The following MMP28 variants were observed in gnomAD, a reference collection of about 807,000 sequenced individuals.
MMP28 encodes the protein matrix metalloproteinase-28.
MMP28 carries 55 observed loss-of-function variants against 60.5 expected under a neutral mutation model. That is an observed-to-expected ratio of 0.91 (90% confidence interval 0.73 to 1.14). MMP28 has a LOEUF of 1.14. MMP28 is among the 50% of genes most tolerant of loss of function. The probability of loss-of-function intolerance (pLI) is 0.00; values close to 1 mark genes in which losing one functional copy is unlikely to be tolerated. For missense variants in MMP28, 686 were observed against 738.3 expected, an observed-to-expected ratio of 0.93 and a Z score of 0.82; for synonymous variants, 318 against 312.5, an observed-to-expected ratio of 1.02 and a Z score of -0.18.
intron 3 of MMP28, among the ~76,000 whole-genome samples, chr17:35,778,150 G>A (rs886237181): frequency 6.6e-6 from 1 of 152,154 alleles, no homozygotes; most frequent in African/African-American, 2.4e-5. Flanking sequence ...AAAAGAAGGA[G>A]GAGAAGAAAA....
At chr17:35,768,542 T>C (rs1036790088) in intron 5 of MMP28, among the ~76,000 whole-genome samples, 163 bp from the exon 6 acceptor site, 6 of 152,126 alleles carry the variant, frequency 3.9e-5, no homozygotes, top group African/African-American at 1.4e-4. Context: ...CCAGGAATGG[T>C]GGTTCACACC....
chr17:35,763,438 CTTTTTTTTTTT>C (rs782005643), downstream of MMP28, among the ~76,000 whole-genome samples: 9 of 101,514 alleles, frequency 8.9e-5, no homozygotes, highest in African/African-American at 3.2e-4. Context: ...CCATGCCCAG[CTTTTTTTTTTT>C]TTTTTTTTTT....
intron 1 of MMP28, among the ~76,000 whole-genome samples, chr17:35,789,950 C>T (rs1307751134): frequency 1.3e-5 from 2 of 149,748 alleles, no homozygotes; most frequent in African/African-American, 2.5e-5. Context: ...TTAGTAGAGA[C>T]GGGGTTTCAC....
At chr17:35,778,386 T>A (rs938616453) in intron 3 of MMP28, 8 of 169,530 alleles carry the variant, frequency 4.7e-5, no homozygotes, top group African/African-American at 1.9e-4. Context: ...TGGTAATGGT[T>A]GCACAATTCC....
At chr17:35,759,866 G>A (rs1391190345) in intron 2 of MMP28, among the ~76,000 whole-genome samples, 2 of 152,200 alleles carry the variant, frequency 1.3e-5, no homozygotes, top group East Asian at 3.8e-4. Context: ...GCTGTGCCAC[G>A]AGTAATAAAG....
chr17:35,757,903 C>T (rs1453179774), intron 2 of MMP28, among the ~76,000 whole-genome samples: 1 of 152,196 alleles, frequency 6.6e-6, no homozygotes, highest in African/African-American at 2.4e-5. Context: ...TTTCCCATCT[C>T]AGCCTCCTGA....
Position 35,795,445 on chromosome 17 carries a change from G to T in MMP28, c.-68C>A. On this transcript the variant is annotated 5_prime_UTR_variant, in exon 1 of 8. Transcript: ENST00000605424. The stretch of plus-strand genomic sequence containing the variant: ...GCAGGGAACCAGCCGGCAGTCAGCC[G>T]CGCCCGGGACCCCGGGGATGGGACT... The T allele has an allele frequency of 8.3e-7, 1 of 1,206,018 alleles. No homozygotes were observed. The highest frequency in any genetic ancestry group is 1.1e-6 in the Non-Finnish European group (1 of 927,554). The allele number at this position is 1,206,018 out of a possible 1,614,324, so 74.7% of individuals were successfully genotyped here.
At chr17:35,769,514 G>A (rs1555604630) in intron 5 of MMP28, among the ~76,000 whole-genome samples, 2 of 152,200 alleles carry the variant, frequency 1.3e-5, no homozygotes, top group African/African-American at 2.4e-5. Context: ...ACAGCCCTGG[G>A]CTGAGATAGA....
chr17:35,771,806 C>A (rs1225235956), intron 4 of MMP28, among the ~76,000 whole-genome samples: 1 of 143,654 alleles, frequency 7.0e-6, no homozygotes, highest in Non-Finnish European at 1.5e-5. Flanking sequence ...GGGCCTCTCT[C>A]TACTTCTAAT....
At position 35,766,459 on chromosome 17, in the gene MMP28, G is replaced by A; in HGVS notation, c.*41C>T. ...CCCCGGGGGTGGGGAACATGATTTT[G>A]CCCTGAGAGCACCACCAGTTTCTGA... On this transcript the variant is annotated 3_prime_UTR_variant, in exon 8 of 8. Transcript: ENST00000605424. The surrounding 1 kb of genome is among the most constrained non-coding windows in gnomAD (Gnocchi z 4.3). 1 of 1,524,682 alleles carries A rather than the reference G, an allele frequency of 6.6e-7. No homozygotes were observed. The highest frequency in any genetic ancestry group is 8.8e-7 in the Non-Finnish European group (1 of 1,135,914). 94.4% of individuals were successfully genotyped at this position (1,524,682 alleles called of 1,614,324 possible).
intron 2 of MMP28, chr17:35,757,233 T>A (rs1253070076): frequency 3.3e-5 from 5 of 152,150 alleles, no homozygotes; most frequent in African/African-American, 1.2e-4. Flanking sequence ...ATAACTATAC[T>A]CCATGAGTCC....
At chr17:35,795,224 C>A (rs906402273) in intron 1 of MMP28, 43 bp downstream of exon 1, 13 of 1,320,598 alleles carry the variant, frequency 9.8e-6, no homozygotes, top group South Asian at 1.9e-5. Context: ...TCTGACAGGT[C>A]TCAAGCACAC....
downstream of MMP28, among the ~76,000 whole-genome samples, chr17:35,761,328 C>T (rs1405134946): frequency 1.3e-5 from 2 of 151,662 alleles, no homozygotes; most frequent in Non-Finnish European, 2.9e-5. Context: ...CCAGGCTGGT[C>T]GCGAACTCCT....
At position 35,773,329 on chromosome 17, in the gene MMP28, C is replaced by G. The variant is rs540834874; in HGVS notation, c.455G>C (p.Arg152Pro). 2.5e-6 allele frequency: 4 copies of G among 1,612,800 alleles called. No homozygotes were observed. The highest frequency in any genetic ancestry group is 3.4e-6 in the Non-Finnish European group (4 of 1,179,552). ...WPEHLPEPAV[R>P]GAVRAAFQLW... ...CTGGAAGGCGGCGCGCACGGCGCCC[C>G]GAACTGCCGGCTCCGGCAGATGCTC... The change falls in exon 4 of 8, where the codon CGG becomes CCG. Residue 152 changes from arginine to proline, a missense_variant. Physicochemically the swap from Arg to Pro is moderately radical, Grantham distance 103 (BLOSUM62 -2). Transcript: ENST00000605424.
chr17:35,770,084 G>A lies in MMP28; in HGVS notation c.833C>T (p.Ala278Val), dbSNP rs1195215320. 1.3e-6 allele frequency: 2 copies of A among 1,589,440 alleles called. No homozygotes were observed. Among genetic ancestry groups the A allele is most frequent in the South Asian group, 1.1e-5 (1 of 87,208 alleles). ...GGCCTCACCATACAGGCTCTGCACG[G>A]CCAGCACGTCGTCCCAGCTGAGCAG... The part of the protein sequence containing the change: ...DALLSWDDVL[A>V]VQSLYGKPLG... The change falls in exon 5 of 8, where the codon GCC becomes GTC. Residue 278 changes from alanine to valine, a missense_variant. Coordinates refer to ENST00000605424, the MANE Select transcript of MMP28 (RefSeq NM_024302.5).
In MMP28 at chr17:35,794,752, C is replaced by T. The variant is rs574238971; in HGVS notation, c.111+515G>A. Among the ~76,000 whole-genome samples, 6 of 152,286 alleles carry T rather than the reference C, an allele frequency of 3.9e-5. No homozygotes were observed. In the South Asian group the frequency reaches 1.2e-3, roughly 32 times the overall value. On this transcript the variant is annotated intron_variant, in intron 1 of 7. Coordinates refer to ENST00000605424, the MANE Select transcript of MMP28 (RefSeq NM_024302.5). Reference sequence around the variant, plus strand: ...CTTAGAAGCAACTCTTGAGAGTATACTACTCTTGCCCATTTTACAGACAGA... The same window carrying T: ...CTTAGAAGCAACTCTTGAGAGTATATTACTCTTGCCCATTTTACAGACAGA...
chr17:35,793,563 G>A (rs1372710160), intron 1 of MMP28, among the ~76,000 whole-genome samples: 2 of 152,200 alleles, frequency 1.3e-5, no homozygotes, highest in South Asian at 2.1e-4. Context: ...ATGATCCCTT[G>A]TTGAAGCAGG....
chr17:35,788,952 G>C (rs577835352), intron 1 of MMP28, among the ~76,000 whole-genome samples: 157 of 152,328 alleles, frequency 1.0e-3, no homozygotes, highest in Non-Finnish European at 1.7e-3. Flanking sequence ...AGCAGAGCAT[G>C]CTCTTCCTAC....
At chr17:35,775,751 C>A (rs190953060) in intron 3 of MMP28, among the ~76,000 whole-genome samples, 6 of 152,366 alleles carry the variant, frequency 3.9e-5, no homozygotes, top group Admixed American at 2.6e-4. Flanking sequence ...ACATTCCCCT[C>A]TTCCTTCCTT....
Sources: allele counts gnomAD v4.1 joint callset (sites outside exome capture counted in the v4.1 genomes callset), GRCh38; gene constraint gnomAD v4.1.1; non-coding constraint Gnocchi (gnomAD v3.1); transcripts MANE v1.5; gene names NCBI Gene and HGNC (gene_info 2026-07-23, HGNC 2026-07-21).